Variants in CCSER1 observed in about 807,000 individuals in gnomAD.
The protein encoded by CCSER1 is serine-rich coiled-coil domain-containing protein 1.
A neutral mutation model predicts 82.0 loss-of-function variants in CCSER1; 41 were observed. That is an observed-to-expected ratio of 0.50 (90% CI 0.39 to 0.65). The LOEUF (loss-of-function observed/expected upper bound fraction) is 0.65. Among genes scored for constraint, CCSER1 ranks in the 30% least tolerant of loss-of-function variants. The probability of loss-of-function intolerance (pLI) is 0.00; values close to 1 mark genes in which losing one functional copy is unlikely to be tolerated. For synonymous variants in CCSER1, 414 were observed against 383.9 expected, an observed-to-expected ratio of 1.08 and a Z score of -0.92; for missense variants, 1,119 against 1,064.2, an observed-to-expected ratio of 1.05 and a Z score of -0.72.
At chr4:90,412,960 T>A (rs2153556146) in intron 4 of CCSER1, among the ~76,000 whole-genome samples, 1 of 149,006 alleles carries the variant, frequency 6.7e-6, no homozygotes, top group South Asian at 2.2e-4. Flanking sequence ...AAAGAGGAAG[T>A]CAAGCTGTCA....
chr4:90,340,763 TTCAA>T (rs1415180012), intron 3 of CCSER1, among the ~76,000 whole-genome samples: 18 of 152,238 alleles, frequency 1.2e-4, no homozygotes, highest in African/African-American at 4.3e-4. Context: ...AAATGCTAAT[TTCAA>T]TCAAAGTACA....
chr4:91,483,611 T>G (rs1322939863), intron 10 of CCSER1, among the ~76,000 whole-genome samples: 5 of 152,012 alleles, frequency 3.3e-5, no homozygotes, highest in Non-Finnish European at 7.4e-5. Context: ...AATTTTTGTA[T>G]TTTTAATAGA....
chr4:91,260,754 A>T (rs1560549785), intron 10 of CCSER1, among the ~76,000 whole-genome samples: 1 of 150,746 alleles, frequency 6.6e-6, no homozygotes, highest in Non-Finnish European at 1.5e-5. Flanking sequence ...TTATTTATTT[A>T]TTTATTTATT....
intron 1 of CCSER1, among the ~76,000 whole-genome samples, chr4:90,257,847 C>A (rs1187578932): frequency 6.6e-6 from 1 of 152,106 alleles, no homozygotes; most frequent in Admixed American, 6.6e-5. Flanking sequence ...GCCTTTTATT[C>A]TATTCAGGCC....
At chr4:91,305,838 G>A (rs28633224) in intron 10 of CCSER1, among the ~76,000 whole-genome samples, 91,922 of 151,774 alleles carry the variant, frequency 0.61, 28,023 homozygotes, top group Middle Eastern at 0.67. Flanking sequence ...CCTCTTACAC[G>A]GCAGCAGGCA....
chr4:91,553,221 C>A (rs915163075), intron 10 of CCSER1, among the ~76,000 whole-genome samples: 3 of 151,522 alleles, frequency 2.0e-5, no homozygotes, highest in Non-Finnish European at 4.4e-5. Flanking sequence ...AGATGTTGAA[C>A]ATCCTTGCAT....
At chr4:90,933,269 T>G (rs113050086) in intron 9 of CCSER1, among the ~76,000 whole-genome samples, 65,810 of 148,292 alleles carry the variant, frequency 0.44, 15,388 homozygotes, top group African/African-American at 0.58. Flanking sequence ...CTCACTGCAA[T>G]CTCCACCTCC....
chr4:90,892,774 A>G (rs993065802), intron 8 of CCSER1, among the ~76,000 whole-genome samples: 2 of 152,106 alleles, frequency 1.3e-5, no homozygotes, highest in Non-Finnish European at 2.9e-5. Flanking sequence ...TTTATCTTCC[A>G]TAATATGAAA....
chr4:91,316,470 C>A (rs1314590552), intron 10 of CCSER1, among the ~76,000 whole-genome samples: 1 of 151,934 alleles, frequency 6.6e-6, no homozygotes, highest in Non-Finnish European at 1.5e-5. Flanking sequence ...TGTAAAATTT[C>A]TCTGATAGAA....
intron 10 of CCSER1, among the ~76,000 whole-genome samples, chr4:91,489,798 A>AT (rs1758417870): frequency 6.6e-6 from 1 of 152,178 alleles, no homozygotes; most frequent in Non-Finnish European, 1.5e-5. Flanking sequence ...AAAATAAAAA[A>AT]AAGATTGAGC....
intron 7 of CCSER1, among the ~76,000 whole-genome samples, chr4:90,734,645 G>A (rs1469647859): frequency 6.6e-6 from 1 of 152,152 alleles, no homozygotes; most frequent in Non-Finnish European, 1.5e-5. Flanking sequence ...ATATAGAAAT[G>A]TTAATGATTT....
intron 9 of CCSER1, among the ~76,000 whole-genome samples, chr4:91,038,015 T>C (rs1321297070): frequency 6.6e-6 from 1 of 152,180 alleles, no homozygotes; most frequent in African/African-American, 2.4e-5. Flanking sequence ...ACCAAATGAA[T>C]ATATTTCAAT....
At chr4:90,940,274 CCCTCCCTT>C (rs1731437271) in intron 9 of CCSER1, among the ~76,000 whole-genome samples, 1 of 151,592 alleles carries the variant, frequency 6.6e-6, no homozygotes, top group South Asian at 2.1e-4. Context: ...TTTCTTCCCT[CCCTCCCTT>C]CCTCCCTTCC....
chr4:90,849,085 A>G (rs1017211250), intron 8 of CCSER1, among the ~76,000 whole-genome samples: 1 of 152,196 alleles, frequency 6.6e-6, no homozygotes, highest in Admixed American at 6.5e-5. Context: ...TAAGTGGGGT[A>G]CTGCTGTAAA....
chr4:90,543,130 G>C (rs983293028), intron 5 of CCSER1, among the ~76,000 whole-genome samples: 2 of 151,990 alleles, frequency 1.3e-5, no homozygotes, highest in African/African-American at 4.8e-5. Context: ...ACATGCAATT[G>C]CCCATGTTTC....
rs61116868 is a variant in CCSER1 at position 90,271,863 on chromosome 4, T to TATATATATA, written c.-41-36381_-41-36380insATATATATA. On this transcript the variant is annotated intron_variant, in intron 1 of 10. Transcript: ENST00000509176. The stretch of plus-strand genomic sequence containing the variant: ...ATATATATATATATATATATATATA[T>TATATATATA]TTTTTTTTTTTTTTTTTTTTTTTTT... Among the ~76,000 whole-genome samples, 69 of 19,638 alleles carry TATATATATA rather than the reference T, an allele frequency of 3.5e-3. 1 individual carries two copies. The South Asian group carries it at 0.047, about 13-fold the overall frequency. 12.9% of individuals were successfully genotyped at this position (19,638 alleles called of 152,430 possible).
chr4:90,609,082 A>G (rs998340529), intron 5 of CCSER1, among the ~76,000 whole-genome samples: 2 of 152,094 alleles, frequency 1.3e-5, no homozygotes, highest in South Asian at 2.1e-4. Context: ...TATCTATAAT[A>G]ACTGTATTTT....
At chr4:90,887,425 G>T (rs544032117) in intron 8 of CCSER1, among the ~76,000 whole-genome samples, 1 of 152,278 alleles carries the variant, frequency 6.6e-6, no homozygotes, top group East Asian at 1.9e-4. Context: ...TGGGTAAATT[G>T]AAGGTTAACT....
At chr4:91,591,789 G>T (rs1764282737) in intron 10 of CCSER1, among the ~76,000 whole-genome samples, 1 of 152,100 alleles carries the variant, frequency 6.6e-6, no homozygotes, top group Non-Finnish European at 1.5e-5. Context: ...TTTACACAAT[G>T]GGGCCGGGCA....
Sources: gnomAD v4.1 joint callset for allele counts (sites outside exome capture counted in the v4.1 genomes callset) on GRCh38, gnomAD v4.1.1 for gene constraint, MANE v1.5 for transcripts, NCBI Gene and HGNC (gene_info 2026-07-23, HGNC 2026-07-21) for gene names.